Variants in CSF2RB observed in about 807,000 individuals in gnomAD.
CSF2RB encodes the protein cytokine receptor common subunit beta.
In CSF2RB, 22 loss-of-function variants were observed where a neutral mutation model predicts 67.2. The ratio of observed to expected loss-of-function variants is 0.33; its 90% CI spans 0.23 to 0.47. CSF2RB has a LOEUF of 0.47. CSF2RB is among the 20% of genes least tolerant of loss of function. The probability of loss-of-function intolerance (pLI) is 1.00; values close to 1 mark genes in which losing one functional copy is unlikely to be tolerated. For missense variants in CSF2RB, 1,113 were observed against 1,174.5 expected (o/e 0.95, Z 0.76); for synonymous variants, 507 against 482.9 (o/e 1.05, Z -0.65).
chr22:36,916,704 G>A (rs1231248784), intron 1 of CSF2RB, among the ~76,000 whole-genome samples: 2 of 151,910 alleles, frequency 1.3e-5, no homozygotes, highest in Non-Finnish European at 2.9e-5. Context: ...CTAAAAATAC[G>A]AAAAATTAGC....
At chr22:36,922,558 C>T (rs937185475) in intron 2 of CSF2RB, 18 of 570,068 alleles carry the variant, frequency 3.2e-5, no homozygotes, top group Non-Finnish European at 5.1e-5. Flanking sequence ...AGGATGGCTG[C>T]TCTGGCCGTT....
chr22:36,931,053 C>A (rs1941139164), intron 8 of CSF2RB, among the ~76,000 whole-genome samples: 1 of 152,216 alleles, frequency 6.6e-6, no homozygotes, highest in Non-Finnish European at 1.5e-5. Context: ...TTGTCCTTTT[C>A]TTCTGCTTCC....
intron 1 of CSF2RB, among the ~76,000 whole-genome samples, chr22:36,920,874 ATT>A (rs892763293): frequency 1.2e-4 from 19 of 152,140 alleles, no homozygotes; most frequent in African/African-American, 4.6e-4. Flanking sequence ...TTAATCAATG[ATT>A]TTAGCATTTT....
At chr22:36,921,097 A>C (rs779058918) in intron 1 of CSF2RB, among the ~76,000 whole-genome samples, 6 of 125,820 alleles carry the variant, frequency 4.8e-5, no homozygotes, top group Non-Finnish European at 7.3e-5. Flanking sequence ...ATGTATGTGT[A>C]TGTGTGTCTG....
chr22:36,919,976 C>CAGAG (rs1467293999), intron 1 of CSF2RB, among the ~76,000 whole-genome samples: 1 of 152,194 alleles, frequency 6.6e-6, no homozygotes. Flanking sequence ...AGGTCAGGGA[C>CAGAG]AGAGTCTAGA....
At chr22:36,928,236 G>A (rs929933678) in intron 4 of CSF2RB, among the ~76,000 whole-genome samples, 1 of 152,206 alleles carries the variant, frequency 6.6e-6, no homozygotes, top group Middle Eastern at 3.2e-3. Flanking sequence ...TTCTCCGTCT[G>A]TGAAATGAGC....
In CSF2RB at chr22:36,937,937, G is replaced by A; in HGVS notation, c.2129G>A (p.Gly710Asp). ...GDTEDPGVAS[G>D]YVSSADLVFT... Reference sequence around the variant, plus strand: ...ACTGAGGACCCTGGAGTGGCCTCTGGTTATGTCTCCTCTGCAGACCTGGTA... The same window carrying A: ...ACTGAGGACCCTGGAGTGGCCTCTGATTATGTCTCCTCTGCAGACCTGGTA... The change falls in exon 14 of 14, where the codon GGT (glycine) becomes GAT (aspartate). Residue 710 changes from glycine (G) to aspartate (D), a missense_variant. Gly to Asp is a moderately conservative substitution (Grantham distance 94). This residue lies in a region of CSF2RB where 554 missense variants were observed against 517.9 expected (regional missense o/e 1.07). Coordinates refer to ENST00000403662, the MANE Select transcript of CSF2RB (RefSeq NM_000395.3). This position sits in a 1 kb window ranked among gnomAD's most constrained non-coding sequence, Gnocchi z 4.6. The A allele has an allele frequency of 1.2e-6, 2 of 1,614,126 alleles. No homozygotes were observed. The highest frequency in any genetic ancestry group is 1.7e-6 in the Non-Finnish European group (2 of 1,179,998).
chr22:36,918,735 A>G (rs1940780987), intron 1 of CSF2RB, among the ~76,000 whole-genome samples: 1 of 152,260 alleles, frequency 6.6e-6, no homozygotes, highest in African/African-American at 2.4e-5. Context: ...CAGAGGCTTA[A>G]CAACATAGAA....
rs763673463 is a variant in CSF2RB at position 36,922,222 on chromosome 22, G to C, written c.15G>C (p.Gln5His). MVLAQGLLSMALLAL... is the reference protein window; with the variant it reads MVLAHGLLSMALLAL... ...TGACCAGGGAGATGGTGCTGGCCCAGGGGCTGCTCTCCATGGCCCTGCTGG... is the reference window on the plus strand; with the variant it reads ...TGACCAGGGAGATGGTGCTGGCCCACGGGCTGCTCTCCATGGCCCTGCTGG... The change falls in exon 2 of 14, where the codon CAG (glutamine) becomes CAC (histidine). Residue 5 changes from glutamine to histidine, a missense_variant. Physicochemically the swap from Gln to His is conservative, Grantham distance 24. Around this residue, in one of 2 missense-constraint regions of CSF2RB, gnomAD observed 559 missense variants for 656.5 expected, o/e 0.85. Coordinates refer to ENST00000403662, the MANE Select transcript of CSF2RB (RefSeq NM_000395.3). 6 of 1,590,122 alleles carry C rather than the reference G, an allele frequency of 3.8e-6. No individual in the cohort carries two copies. The South Asian group carries it at 4.6e-5, about 12-fold the overall frequency.
Position 36,938,280 on chromosome 22 carries a change from C to T in CSF2RB, c.2472C>T (p.Phe824=), listed in dbSNP as rs764645359. 2.5e-6 allele frequency: 4 copies of T among 1,614,210 alleles called. No individual in the cohort carries two copies. In the South Asian group the frequency reaches 3.3e-5, roughly 13 times the overall value. The part of the protein sequence containing the change: ...LVLQQVGDYC[F]LPGLGPGPLS... Reference sequence around the variant, plus strand: ...TGCAGCAAGTGGGCGACTATTGCTTCCTCCCCGGCCTGGGGCCCGGCCCTC... The same window carrying T: ...TGCAGCAAGTGGGCGACTATTGCTTTCTCCCCGGCCTGGGGCCCGGCCCTC... Residue 824 remains phenylalanine, a synonymous_variant, in exon 14 of 14, where the codon TTC becomes TTT. Transcript: ENST00000403662.
At chr22:36,922,825 G>A (rs763277126) in intron 2 of CSF2RB, 2 of 302,582 alleles carry the variant, frequency 6.6e-6, no homozygotes, top group Non-Finnish European at 6.4e-6. Context: ...TCCTGAGGAC[G>A]GGGACTAGAG....
rs1476981139 is a variant in CSF2RB, at chr22:36,939,979, A to G, written c.*1477A>G. On this transcript the variant is annotated 3_prime_UTR_variant, in exon 14 of 14. Transcript: ENST00000403662. The stretch of plus-strand genomic sequence containing the variant: ...CATGTAAAATTTTAATTATTTTTGA[A>G]TGTGTGGATGTGAGACTGAGGTGCC... 6.6e-6 allele frequency: 1 copy of G among 152,194 alleles called. No individual in the cohort carries two copies. The highest frequency in any genetic ancestry group is 1.5e-5 in the Non-Finnish European group (1 of 68,044). 9.4% of individuals were successfully genotyped at this position (152,194 alleles called of 1,614,324 possible). A position where few individuals can be genotyped will look rare whatever the true frequency, so the allele number is the denominator to read the frequency against.
At position 36,929,549 on chromosome 22, in the gene CSF2RB, A is replaced by T; in HGVS notation, c.539A>T (p.Asp180Val). 6.2e-7 allele frequency: 1 copy of T among 1,613,798 alleles called. No individual in the cohort carries two copies. Among genetic ancestry groups the T allele is most frequent in the Non-Finnish European group, 8.5e-7 (1 of 1,179,938 alleles). The stretch of plus-strand genomic sequence containing the variant: ...GAGGTGGTCTACAAGCGGCTTCAGG[A>T]CTCTTGGGAGGTAGGAACCACGGCC... ...EFEVVYKRLQDSWEDAAILLS... is the reference protein window; with the variant it reads ...EFEVVYKRLQVSWEDAAILLS... Residue 180 changes from aspartate (D) to valine (V), a missense_variant, in exon 5 of 14, where the codon GAC becomes GTC. By Grantham distance (152) the Asp-to-Val change is radical. Transcript: ENST00000403662.
chr22:36,926,317 C>G, intron 4 of CSF2RB, 140 bp downstream of exon 4: 1 of 841,840 alleles, frequency 1.2e-6, no homozygotes, highest in Non-Finnish European at 1.9e-6. Flanking sequence ...AGGGTATGGT[C>G]TGGTTACATG....
chr22:36,928,584 C>G (rs771668490), intron 4 of CSF2RB, among the ~76,000 whole-genome samples: 1 of 152,204 alleles, frequency 6.6e-6, no homozygotes, highest in Non-Finnish European at 1.5e-5. Flanking sequence ...ACACCAGAAA[C>G]CAGAAATCAG....
intron 10 of CSF2RB, 124 bp from the exon 11 acceptor site, chr22:36,935,227 T>A: frequency 1.1e-6 from 1 of 877,490 alleles, no homozygotes; most frequent in Non-Finnish European, 1.9e-6. Flanking sequence ...AGGCAGTAAG[T>A]TCCAGAGCCC....
Position 36,929,675 on chromosome 22 carries a change from A to T in CSF2RB, c.586A>T (p.Thr196Ser), listed in dbSNP as rs766424551. 1.4e-5 allele frequency: 23 copies of T among 1,613,962 alleles called. No individual in the cohort carries two copies. Among genetic ancestry groups the T allele is most frequent in the Non-Finnish European group, 1.9e-5 (23 of 1,180,004 alleles). ...CCTCCTCTCCAACACCTCCCAGGCC[A>T]CCCTGGGGCCAGAGCACCTCATGCC... ...AILLSNTSQA[T>S]LGPEHLMPSS... is the part of the protein sequence containing the mutation. The change falls in exon 6 of 14, where the codon ACC (threonine) becomes TCC (serine). Residue 196 changes from threonine to serine, a missense_variant. Thr to Ser is a moderately conservative substitution (Grantham distance 58, BLOSUM62 1). Coordinates refer to ENST00000403662, the MANE Select transcript of CSF2RB (RefSeq NM_000395.3).
chr22:36,937,029 G>T lies in CSF2RB; in HGVS notation c.1569-348G>T, dbSNP rs1036351661. ...GCAGGGAGAAGGGGGTGGCATGGTT[G>T]ATAGAATGATGGAAGGGTTGCCCAG... On this transcript the variant is annotated intron_variant, in intron 13 of 13. Coordinates refer to ENST00000403662, the MANE Select transcript of CSF2RB (RefSeq NM_000395.3). The surrounding 1 kb of genome is among the most constrained non-coding windows in gnomAD (Gnocchi z 4.6). 6.6e-6 allele frequency among the ~76,000 whole-genome samples: 1 copy of T among 152,154 alleles called. No individual in the cohort carries two copies. The highest frequency in any genetic ancestry group is 6.5e-5 in the Admixed American group (1 of 15,288).
intron 4 of CSF2RB, among the ~76,000 whole-genome samples, chr22:36,927,600 G>A (rs1197477718): frequency 6.6e-6 from 1 of 152,136 alleles, no homozygotes; most frequent in Non-Finnish European, 1.5e-5. Flanking sequence ...GGACAGCGGT[G>A]GGAAGAAGCA....
Sources: gnomAD v4.1 joint callset for allele counts (sites outside exome capture counted in the v4.1 genomes callset) on GRCh38, gnomAD v4.1.1 for gene constraint, gnomAD v4.1.1 regional missense constraint, Gnocchi (gnomAD v3.1) non-coding constraint, MANE v1.5 for transcripts, NCBI Gene and HGNC (gene_info 2026-07-23, HGNC 2026-07-21) for gene names.